Variants in RNLS observed in about 807,000 individuals in gnomAD.
The protein encoded by RNLS is renalase.
In RNLS, 39 loss-of-function variants were observed where a neutral mutation model predicts 39.8. The observed-to-expected ratio is 0.98, with a 90% CI of 0.76 to 1.28. The LOEUF (loss-of-function observed/expected upper bound fraction) is 1.28. RNLS is among the 50% of genes most tolerant of loss of function. The pLI is 0.00. For missense variants in RNLS, 410 were observed against 413.3 expected (o/e 0.99, Z 0.07); for synonymous variants, 147 against 150.7 (o/e 0.98, Z 0.18).
chr10:88,434,891 A>AT (rs991488444), intron 4 of RNLS, among the ~76,000 whole-genome samples: 2 of 152,122 alleles, frequency 1.3e-5, no homozygotes, highest in African/African-American at 4.8e-5. Context: ...TAGAAAAGGT[A>AT]TTAAAAAATA....
chr10:88,331,057 T>A (rs977173314), intron 5 of RNLS, among the ~76,000 whole-genome samples: 8 of 152,228 alleles, frequency 5.3e-5, no homozygotes, highest in Admixed American at 5.2e-4. Flanking sequence ...AACTTAGGTA[T>A]TCTTTTTCCA....
chr10:88,368,102 G>T (rs996502932), intron 4 of RNLS, among the ~76,000 whole-genome samples: 2 of 147,280 alleles, frequency 1.4e-5, no homozygotes, highest in African/African-American at 5.0e-5. Context: ...TTTTCTTATG[G>T]TTTTTTTTTT....
intron 6 of RNLS, among the ~76,000 whole-genome samples, chr10:88,299,032 T>C (rs984378806): frequency 5.0e-4 from 76 of 152,354 alleles, no homozygotes; most frequent in African/African-American, 1.8e-3. Flanking sequence ...TATAACTCCA[T>C]AGTAAATTCA....
chr10:88,249,678 G>A, the RNLS span, among the ~76,000 whole-genome samples: 4 of 152,180 alleles, frequency 2.6e-5, no homozygotes, highest in Admixed American at 1.3e-4. Flanking sequence ...AGCTTGACAC[G>A]TGGCTTGATT....
chr10:88,405,246 C>T (rs1853186230), intron 4 of RNLS, among the ~76,000 whole-genome samples: 1 of 152,144 alleles, frequency 6.6e-6, no homozygotes, highest in South Asian at 2.1e-4. Context: ...CTGGCAGATA[C>T]AATTCGGGCA....
chr10:88,317,622 A>G (rs1412638342), intron 5 of RNLS, among the ~76,000 whole-genome samples: 1 of 152,230 alleles, frequency 6.6e-6, no homozygotes, highest in East Asian at 1.9e-4. Flanking sequence ...TATACAGTTC[A>G]GTAGCATTGA....
At chr10:88,446,267 G>A (rs1412779934) in intron 4 of RNLS, among the ~76,000 whole-genome samples, 3 of 152,078 alleles carry the variant, frequency 2.0e-5, no homozygotes, top group Non-Finnish European at 4.4e-5. Context: ...TGAAACCAAC[G>A]AGAACAAAGA....
chr10:88,279,438 T>G (rs1340837360), downstream of RNLS, among the ~76,000 whole-genome samples: 1 of 152,138 alleles, frequency 6.6e-6, no homozygotes, highest in Non-Finnish European at 1.5e-5. Context: ...TAGGTAAAAT[T>G]GTATCCACAT....
intron 4 of RNLS, among the ~76,000 whole-genome samples, chr10:88,392,538 C>A (rs1473474102): frequency 6.6e-6 from 1 of 152,176 alleles, no homozygotes; most frequent in East Asian, 1.9e-4. Flanking sequence ...TTAAGAAAAT[C>A]TTTGTCCAAT....
chr10:88,445,701 T>A (rs1007259845), intron 4 of RNLS, among the ~76,000 whole-genome samples: 1 of 151,780 alleles, frequency 6.6e-6, no homozygotes, highest in Non-Finnish European at 1.5e-5. Flanking sequence ...CCAACAAAGA[T>A]CAAAAGAGAC....
chr10:88,557,841 C>T (rs1848956539), intron 4 of RNLS, among the ~76,000 whole-genome samples: 1 of 152,296 alleles, frequency 6.6e-6, no homozygotes, highest in Non-Finnish European at 1.5e-5. Flanking sequence ...CAGTTGATGA[C>T]TCAGTTGGTG....
At chr10:88,513,292 A>G (rs1846238943) in intron 4 of RNLS, among the ~76,000 whole-genome samples, 2 of 152,102 alleles carry the variant, frequency 1.3e-5, no homozygotes, top group South Asian at 4.1e-4. Flanking sequence ...CATCTGTCTC[A>G]TTCTTTTTTA....
At chr10:88,520,233 G>T (rs781265262) in intron 4 of RNLS, among the ~76,000 whole-genome samples, 8 of 152,102 alleles carry the variant, frequency 5.3e-5, no homozygotes, top group Non-Finnish European at 8.8e-5. Flanking sequence ...AAGAGTCACA[G>T]GGTATTTTAA....
rs147390554 is a variant in RNLS, at chr10:88,504,842, A to AGTGTGTGTGTGT, written c.526+68060_526+68061insACACACACACAC. Among the ~76,000 whole-genome samples the AGTGTGTGTGTGT allele has an allele frequency of 3.0e-4, 32 of 106,768 alleles. 1 individual carries two copies. The highest frequency in any genetic ancestry group is 3.2e-4 in the South Asian group (1 of 3,152). The allele number at this position is 106,768 out of a possible 152,430, so 70.0% of individuals were successfully genotyped here. A position where few individuals can be genotyped will look rare whatever the true frequency, so the allele number is the denominator to read the frequency against. ...TGGAGCAAATTAGAGAGAGAGAGACAGAGTGTGTGTGTGTGTGTGTGTGTG... is the reference window on the plus strand; with the variant it reads ...TGGAGCAAATTAGAGAGAGAGAGACAGTGTGTGTGTGTGAGTGTGTGTGTGTGTGTGTGTGTG... On this transcript the variant is annotated intron_variant, in intron 4 of 6. Transcript: ENST00000331772.
chr10:88,579,820 G>C (rs541568835), intron 3 of RNLS, among the ~76,000 whole-genome samples: 27 of 152,170 alleles, frequency 1.8e-4, no homozygotes, highest in African/African-American at 4.8e-4. Flanking sequence ...CACTATTCTG[G>C]GTGTTTCTAT....
the RNLS span, among the ~76,000 whole-genome samples, chr10:88,216,255 T>C: frequency 4.6e-5 from 7 of 152,320 alleles, no homozygotes; most frequent in South Asian, 1.2e-3. Flanking sequence ...TCCAGGAAAG[T>C]AGCGTTTGCT....
chr10:88,545,347 G>T, intron 4 of RNLS: 1 of 417,868 alleles, frequency 2.4e-6, no homozygotes, highest in Non-Finnish European at 4.8e-6. Context: ...AAACACCCAA[G>T]ACTGGGTAAT....
chr10:88,544,450 C>T (rs1323904330), intron 4 of RNLS, among the ~76,000 whole-genome samples: 2 of 152,120 alleles, frequency 1.3e-5, no homozygotes, highest in Non-Finnish European at 2.9e-5. Context: ...TCTGTTTTGT[C>T]CCATTTCTTC....
chr10:88,364,131 A>T (rs1452710788), intron 4 of RNLS, among the ~76,000 whole-genome samples: 1 of 152,088 alleles, frequency 6.6e-6, no homozygotes, highest in East Asian at 1.9e-4. Context: ...GTACAACATT[A>T]ATAGTTTGGG....
Sources: allele counts gnomAD v4.1 joint callset (sites outside exome capture counted in the v4.1 genomes callset), GRCh38; gene constraint gnomAD v4.1.1; transcripts MANE v1.5; gene names NCBI Gene and HGNC (gene_info 2026-07-23, HGNC 2026-07-21).